BCKDHB: variants seen among roughly 807,000 people sequenced by gnomAD.
BCKDHB encodes 2-oxoisovalerate dehydrogenase subunit beta, mitochondrial.
Under a neutral mutation model 48.5 loss-of-function variants are expected in BCKDHB, and 41 were observed. That is an observed-to-expected ratio of 0.85 (90% confidence interval 0.66 to 1.10). BCKDHB has a LOEUF of 1.10. Among genes scored for constraint, BCKDHB ranks in the 50% least tolerant of loss-of-function variants. The probability of loss-of-function intolerance (pLI) is 0.00; values close to 1 mark genes in which losing one functional copy is unlikely to be tolerated. For synonymous variants in BCKDHB, 201 were observed against 174.8 expected (o/e 1.15, Z -1.18); for missense variants, 496 against 494.2 (o/e 1.00, Z -0.03).
chr6:80,193,021 A>G (rs749016749), intron 6 of BCKDHB, among the ~76,000 whole-genome samples: 10 of 151,890 alleles, frequency 6.6e-5, no homozygotes, highest in Non-Finnish European at 1.5e-4. Flanking sequence ...GGATTTCACC[A>G]TATTGCCCAG....
chr6:80,191,820 C>T (rs1773907433), intron 6 of BCKDHB, among the ~76,000 whole-genome samples: 1 of 152,080 alleles, frequency 6.6e-6, no homozygotes. Context: ...GTTTAACAAC[C>T]CTTGGAAGCA....
intron 6 of BCKDHB, among the ~76,000 whole-genome samples, chr6:80,171,920 T>C (rs1772938321): frequency 6.6e-6 from 1 of 152,128 alleles, no homozygotes; most frequent in South Asian, 2.1e-4. Context: ...CTGTGACTGC[T>C]AATTTCTTCA....
At chr6:80,184,088 T>TTGAA (rs1773534569) in intron 6 of BCKDHB, among the ~76,000 whole-genome samples, 1 of 152,184 alleles carries the variant, frequency 6.6e-6, no homozygotes, top group African/African-American at 2.4e-5. Context: ...AAGTTTCAAC[T>TTGAA]TATTCATCTG....
At chr6:80,158,542 A>G (rs1772162116) in intron 3 of BCKDHB, among the ~76,000 whole-genome samples, 3 of 152,224 alleles carry the variant, frequency 2.0e-5, no homozygotes, top group African/African-American at 7.2e-5. Context: ...GCTTTAAAGC[A>G]AAAGCAGAAT....
intron 3 of BCKDHB, among the ~76,000 whole-genome samples, chr6:80,151,568 A>G (rs1422590327): frequency 1.3e-5 from 2 of 152,114 alleles, no homozygotes; most frequent in African/African-American, 4.8e-5. Context: ...AATATCAGAT[A>G]TAGTTAGTGA....
chr6:80,142,521 G>A (rs1361273193), intron 3 of BCKDHB, among the ~76,000 whole-genome samples: 1 of 151,986 alleles, frequency 6.6e-6, no homozygotes, highest in South Asian at 2.1e-4. Context: ...GGCCATAGGA[G>A]TCCCTTTGGG....
intron 9 of BCKDHB, among the ~76,000 whole-genome samples, chr6:80,280,715 A>C (rs1254098839): frequency 6.6e-6 from 1 of 152,248 alleles, no homozygotes; most frequent in Non-Finnish European, 1.5e-5. Context: ...AAATTGCTTA[A>C]TGCGTTTCTC....
chr6:80,400,919 A>G, the BCKDHB span, among the ~76,000 whole-genome samples: 2 of 152,030 alleles, frequency 1.3e-5, no homozygotes, highest in African/African-American at 2.4e-5. Context: ...TGGCAGCAAC[A>G]TGGATGGAGC....
chr6:80,403,303 T>A, the BCKDHB span, among the ~76,000 whole-genome samples: 1 of 151,966 alleles, frequency 6.6e-6, no homozygotes, highest in Non-Finnish European at 1.5e-5. Context: ...AGCATACAGA[T>A]CTTACACTTC....
intron 9 of BCKDHB, among the ~76,000 whole-genome samples, chr6:80,323,864 C>T (rs978605488): frequency 6.6e-6 from 1 of 152,186 alleles, no homozygotes; most frequent in African/African-American, 2.4e-5. Context: ...GCTCCGCCCC[C>T]CGGGTTCACG....
chr6:80,118,786 T>G (rs376828336), intron 1 of BCKDHB, among the ~76,000 whole-genome samples: 1 of 149,530 alleles, frequency 6.7e-6, no homozygotes, highest in African/African-American at 2.4e-5. Context: ...CTTTTTTTTT[T>G]GAATTCATAG....
intron 1 of BCKDHB, among the ~76,000 whole-genome samples, chr6:80,120,429 A>T (rs144857104): frequency 0.013 from 1,908 of 152,270 alleles, 35 homozygotes; most frequent in African/African-American, 0.044. Context: ...TCCTTGAGGA[A>T]TCTCCACACT....
At chr6:80,426,090 G>A in the BCKDHB span, among the ~76,000 whole-genome samples, 1 of 152,174 alleles carries the variant, frequency 6.6e-6, no homozygotes, top group Non-Finnish European at 1.5e-5. Context: ...GTCAGGCTAG[G>A]TAGAGAGAGT....
the BCKDHB span, among the ~76,000 whole-genome samples, chr6:80,375,004 T>C: frequency 6.6e-6 from 1 of 152,216 alleles, no homozygotes; most frequent in Non-Finnish European, 1.5e-5. Context: ...TTGTAGGGTT[T>C]CTGCTGAGAA....
chr6:80,198,051 A>C (rs1309405419), intron 6 of BCKDHB, among the ~76,000 whole-genome samples: 2 of 152,182 alleles, frequency 1.3e-5, no homozygotes, highest in East Asian at 3.8e-4. Flanking sequence ...TAACCTCTGA[A>C]AGCATTGTTT....
At chr6:80,157,230 T>A (rs1249212047) in intron 3 of BCKDHB, among the ~76,000 whole-genome samples, 1 of 152,132 alleles carries the variant, frequency 6.6e-6, no homozygotes, top group Non-Finnish European at 1.5e-5. Context: ...CTCTAATACA[T>A]GGCTACCTAA....
chr6:80,290,901 T>G (rs1395273647), intron 9 of BCKDHB, among the ~76,000 whole-genome samples: 1 of 152,212 alleles, frequency 6.6e-6, no homozygotes, highest in Non-Finnish European at 1.5e-5. Context: ...AGGGGTAACT[T>G]GTTGACATTG....
At chr6:80,286,624 A>G (rs1327924686) in intron 9 of BCKDHB, among the ~76,000 whole-genome samples, 1 of 152,172 alleles carries the variant, frequency 6.6e-6, no homozygotes, top group East Asian at 1.9e-4. Flanking sequence ...CTTATTATAC[A>G]CATATGGATA....
chr6:80,169,313 T>C (rs962304988), intron 5 of BCKDHB, among the ~76,000 whole-genome samples: 1 of 152,210 alleles, frequency 6.6e-6, no homozygotes, highest in African/African-American at 2.4e-5. Context: ...CATAGTTGGT[T>C]TACCTCCCCT....
Sources: gnomAD v4.1 joint callset for allele counts (sites outside exome capture counted in the v4.1 genomes callset) on GRCh38, gnomAD v4.1.1 for gene constraint, MANE v1.5 for transcripts, NCBI Gene and HGNC (gene_info 2026-07-23, HGNC 2026-07-21) for gene names.